Variants in EPB41L4B observed in about 807,000 individuals in gnomAD.
EPB41L4B encodes erythrocyte membrane protein band 4.1 like 4B, also known as band 4.1-like protein 4B.
EPB41L4B carries 30 observed loss-of-function variants against 112.5 expected under a neutral mutation model. The ratio of observed to expected loss-of-function variants is 0.27; its 90% CI spans 0.20 to 0.36. EPB41L4B has a LOEUF of 0.36. Ranked by LOEUF, EPB41L4B falls within the 10% of genes least tolerant of loss-of-function variation. The pLI is 1.00. For missense variants in EPB41L4B, 1,024 were observed against 1,133.3 expected (o/e 0.90, Z 1.38); for synonymous variants, 408 against 439.7 (o/e 0.93, Z 0.90).
At chr9:109,269,722 G>A (rs552087290) in intron 2 of EPB41L4B, among the ~76,000 whole-genome samples, 2 of 152,302 alleles carry the variant, frequency 1.3e-5, no homozygotes, top group South Asian at 4.1e-4. Context: ...GACGGCTGGG[G>A]TGATACAAGC....
intron 22 of EPB41L4B, among the ~76,000 whole-genome samples, chr9:109,188,748 C>T (rs1832354560): frequency 6.6e-6 from 1 of 152,214 alleles, no homozygotes; most frequent in African/African-American, 2.4e-5. Flanking sequence ...GGGCCCTGTC[C>T]TTCCAGACAC....
intron 15 of EPB41L4B, chr9:109,240,416 A>T (rs1834313915): frequency 1.0e-6 from 1 of 985,346 alleles, no homozygotes; most frequent in Non-Finnish European, 1.2e-6. Context: ...TTTTAGTAAT[A>T]AAATATCTCA....
chr9:109,258,903 G>A (rs1835089969), intron 6 of EPB41L4B, among the ~76,000 whole-genome samples: 1 of 152,160 alleles, frequency 6.6e-6, no homozygotes, highest in African/African-American at 2.4e-5. Flanking sequence ...AGCCACACGA[G>A]TGATCCGAGC....
At chr9:109,319,727 A>G (rs1837775647) in intron 1 of EPB41L4B, among the ~76,000 whole-genome samples, 1 of 152,144 alleles carries the variant, frequency 6.6e-6, no homozygotes, top group South Asian at 2.1e-4. Context: ...ACGGCCTCAC[A>G]TTGATTTGAG....
At chr9:109,298,560 C>T (rs1339784209) in intron 1 of EPB41L4B, among the ~76,000 whole-genome samples, 2 of 152,212 alleles carry the variant, frequency 1.3e-5, no homozygotes, top group African/African-American at 2.4e-5. Context: ...GATCCACCCA[C>T]CTCAGCCTCC....
At position 109,172,138 on chromosome 9, in the gene EPB41L4B, G is replaced by A. The variant is rs1335579406; in HGVS notation, c.*2416C>T. The A allele has an allele frequency of 1.3e-5, 2 of 152,196 alleles. No individual in the cohort carries two copies. Among genetic ancestry groups the A allele is most frequent in the African/African-American group, 4.8e-5 (2 of 41,410 alleles). 9.4% of individuals were successfully genotyped at this position (152,196 alleles called of 1,614,324 possible). ...TCTGGGGGAAGCGGGGAAGAAGCAG[G>A]AAGCCCAGAGCCTCCTGGAAACACT... On this transcript the variant is annotated 3_prime_UTR_variant, in exon 26 of 26. Coordinates refer to ENST00000374566, the MANE Select transcript of EPB41L4B (RefSeq NM_019114.5).
chr9:109,179,880 G>C lies in EPB41L4B; in HGVS notation c.2487+2849C>G, dbSNP rs1831990012. 2.0e-5 allele frequency among the ~76,000 whole-genome samples: 3 copies of C among 152,108 alleles called. No homozygotes were observed. The South Asian group carries it at 6.2e-4, about 32-fold the overall frequency. Reference sequence around the variant, plus strand: ...CACTGTCCTGCGTTTCCAGGCTACTGTCCTGAATCCACTCTGCCTGGATGC... The same window carrying C: ...CACTGTCCTGCGTTTCCAGGCTACTCTCCTGAATCCACTCTGCCTGGATGC... On this transcript the variant is annotated intron_variant, in intron 24 of 25. Transcript: ENST00000374566.
intron 1 of EPB41L4B, among the ~76,000 whole-genome samples, chr9:109,308,251 C>A (rs755740685): frequency 2.0e-4 from 30 of 152,042 alleles, no homozygotes; most frequent in Non-Finnish European, 5.9e-5. Flanking sequence ...GGAAGACATT[C>A]AACAGCTGAT....
In EPB41L4B at chr9:109,255,500, T is replaced by C; in HGVS notation, c.1169+11A>G. ...GAAGACGTGATCCGTGTTGCAGAAA[T>C]GGCTCCCTACCTGAATCTGAAGCGA... On this transcript the variant is annotated intron_variant, in intron 11 of 25. Coordinates refer to ENST00000374566, the MANE Select transcript of EPB41L4B (RefSeq NM_019114.5). 1.2e-6 allele frequency: 2 copies of C among 1,612,526 alleles called. No individual in the cohort carries two copies. The highest frequency in any genetic ancestry group is 1.7e-6 in the Non-Finnish European group (2 of 1,178,604).
Position 109,215,635 on chromosome 9 carries a change from G to A in EPB41L4B, c.1633+1287C>T, listed in dbSNP as rs886579727. 6.6e-5 allele frequency among the ~76,000 whole-genome samples: 10 copies of A among 152,190 alleles called. No homozygotes were observed. The South Asian group carries it at 1.5e-3, about 22-fold the overall frequency. Reference sequence around the variant, plus strand: ...CCTGAGTAGCTGAGATTATAGGCACGTACCACTGCGTCCAGCCCTCAGTAC... The same window carrying A: ...CCTGAGTAGCTGAGATTATAGGCACATACCACTGCGTCCAGCCCTCAGTAC... On this transcript the variant is annotated intron_variant, in intron 16 of 25. Transcript: ENST00000374566.
chr9:109,216,652 AAAAAAAAAAAG>A (rs1247379172), intron 16 of EPB41L4B, among the ~76,000 whole-genome samples: 2 of 151,006 alleles, frequency 1.3e-5, no homozygotes, highest in Non-Finnish European at 3.0e-5. Flanking sequence ...CATCTCAAAA[AAAAAAAAAAAG>A]AAAAGAAAAA....
At position 109,195,369 on chromosome 9, in the gene EPB41L4B, G is replaced by A. The variant is rs80330244; in HGVS notation, c.2046-972C>T. Among the ~76,000 whole-genome samples, 18 of 152,310 alleles carry A rather than the reference G, an allele frequency of 1.2e-4. No individual in the cohort carries two copies. The East Asian group carries it at 3.3e-3, about 28-fold the overall frequency. ...CGTGAGACAAAGCTGCAGTGCGGAT[G>A]GGATTGACTGAGGGGTCCCTGAGAG... On this transcript the variant is annotated intron_variant, in intron 20 of 25. Coordinates refer to ENST00000374566, the MANE Select transcript of EPB41L4B (RefSeq NM_019114.5).
chr9:109,213,764 T>G lies in EPB41L4B; in HGVS notation c.1688A>C (p.Lys563Thr). 1 of 1,614,176 alleles carries G rather than the reference T, an allele frequency of 6.2e-7. No homozygotes were observed. Among genetic ancestry groups the G allele is most frequent in the Non-Finnish European group, 8.5e-7 (1 of 1,180,020 alleles). The change falls in exon 17 of 26, where the codon AAG becomes ACG. Residue 563 changes from lysine (K) to threonine (T), a missense_variant. By Grantham distance (78) the Lys-to-Thr change is moderately conservative. Transcript: ENST00000374566. ...AGCCTTCACAGTTTCCAGTTCCAGC[T>G]TCTTTAGATGGGCAGCGGCTTCACT... ...LFSEAAAHLK[K>T]LELETVKAAG...
intron 20 of EPB41L4B, among the ~76,000 whole-genome samples, chr9:109,197,723 G>A (rs892251036): frequency 1.3e-5 from 2 of 151,780 alleles, no homozygotes; most frequent in Admixed American, 6.6e-5. Context: ...GGGAGGCTGA[G>A]GCCGGAGAAT....
rs145331064 is a variant in EPB41L4B at position 109,255,649 on chromosome 9, C to T, written c.1031G>A (p.Arg344Gln). ...GREQEHTFVFRLDSARTCKHL... is the reference protein window; with the variant it reads ...GREQEHTFVFQLDSARTCKHL... The stretch of plus-strand genomic sequence containing the variant: ...TTTGCAGGTCCTGGCACTGTCTAAC[C>T]GGAACACAAACGTGTGCTCTTGCTC... Residue 344 changes from arginine to glutamine, a missense_variant, in exon 11 of 26, where the codon CGG becomes CAG. Transcript: ENST00000374566. 245 of 1,613,678 alleles carry T rather than the reference C, an allele frequency of 1.5e-4. No individual in the cohort carries two copies. In the African/African-American group the frequency reaches 2.6e-3, roughly 17 times the overall value.
chr9:109,271,121 C>T (rs4978790), intron 2 of EPB41L4B, among the ~76,000 whole-genome samples: 77,345 of 152,152 alleles, frequency 0.51, 19,838 homozygotes, highest in East Asian at 0.67. Flanking sequence ...TGGCCAAACA[C>T]CTGTGGCTGG....
intron 22 of EPB41L4B, among the ~76,000 whole-genome samples, chr9:109,191,543 G>A (rs1238414395): frequency 6.6e-6 from 1 of 152,180 alleles, no homozygotes; most frequent in African/African-American, 2.4e-5. Context: ...TTGCCCCTCA[G>A]ATCACGGCAT....
chr9:109,247,879 T>A, intron 13 of EPB41L4B, 90 bp from the exon 14 acceptor site: 2 of 1,041,722 alleles, frequency 1.9e-6, no homozygotes, highest in Non-Finnish European at 2.7e-6. Flanking sequence ...AATCATGAAC[T>A]ATTCCTATGT....
At chr9:109,205,499 G>A (rs746187272) in intron 18 of EPB41L4B, among the ~76,000 whole-genome samples, 9 of 152,182 alleles carry the variant, frequency 5.9e-5, no homozygotes, top group Non-Finnish European at 1.3e-4. Flanking sequence ...ATATGTGTCA[G>A]TTTTGTTTGT....
Sources: allele counts gnomAD v4.1 joint callset (sites outside exome capture counted in the v4.1 genomes callset), GRCh38; gene constraint gnomAD v4.1.1; transcripts MANE v1.5; gene names NCBI Gene and HGNC (gene_info 2026-07-23, HGNC 2026-07-21).